CPT1C: variants seen among roughly 807,000 people sequenced by gnomAD.
The protein encoded by CPT1C is palmitoyl thioesterase CPT1C.
CPT1C carries 61 observed loss-of-function variants against 97.3 expected under a neutral mutation model. That is an observed-to-expected ratio of 0.63 (90% CI 0.51 to 0.78). The LOEUF (loss-of-function observed/expected upper bound fraction) is 0.78, where lower values mean the gene tolerates loss of function less well. CPT1C is among the 30% of genes least tolerant of loss of function. CPT1C has a pLI of 0.00. For synonymous variants in CPT1C, 469 were observed against 447.2 expected, an observed-to-expected ratio of 1.05 and a Z score of -0.61; for missense variants, 975 against 1,065.5, an observed-to-expected ratio of 0.92 and a Z score of 1.18.
At chr19:49,698,898 C>T (rs150017063) in intron 4 of CPT1C, among the ~76,000 whole-genome samples, 1,538 of 151,490 alleles carry the variant, frequency 0.01, 21 homozygotes, top group African/African-American at 0.035. Flanking sequence ...AGGTCAGGAG[C>T]TTGAGACCAG....
intron 10 of CPT1C, 152 bp downstream of exon 10, chr19:49,705,450 A>G: frequency 1.5e-6 from 1 of 670,868 alleles, no homozygotes; most frequent in Non-Finnish European, 2.5e-6. Flanking sequence ...CTCAGCTTCC[A>G]CTAAAGTGGG....
rs199536158 is a variant in CPT1C, at chr19:49,708,768, G to A, written c.1495G>A (p.Gly499Ser). 16 of 1,613,908 alleles carry A rather than the reference G, an allele frequency of 9.9e-6. No homozygotes were observed. Among genetic ancestry groups the A allele is most frequent in the Middle Eastern group, 1.6e-4 (1 of 6,062 alleles). Residue 499 changes from glycine (G) to serine (S), a missense_variant, in exon 14 of 20, where the codon GGC (glycine) becomes AGC (serine). This residue lies in a region of CPT1C where 35 missense variants were observed against 66.6 expected (regional missense o/e 0.53). Transcript: ENST00000598293. ...ECFQLGYSTD[G>S]HCKGHPDPTL... Reference sequence around the variant, plus strand: ...CTTTCAGCTGGGCTACTCAACAGACGGCCACTGCAAGGGGCACCCGGACCC... The same window carrying A: ...CTTTCAGCTGGGCTACTCAACAGACAGCCACTGCAAGGGGCACCCGGACCC...
At chr19:49,701,252 C>T in intron 5 of CPT1C, 65 bp from the exon 6 acceptor site, 1 of 1,403,326 alleles carries the variant, frequency 7.1e-7, no homozygotes, top group African/African-American at 1.4e-5. Flanking sequence ...CCACTGTCGA[C>T]CCCTGCCCCG....
Position 49,700,616 on chromosome 19 carries a change from G to A in CPT1C, c.282-68G>A, listed in dbSNP as rs2082956545. 9 of 1,543,646 alleles carry A rather than the reference G, an allele frequency of 5.8e-6. No homozygotes were observed. The South Asian group carries it at 6.8e-5, about 12-fold the overall frequency. On this transcript the variant is annotated intron_variant, in intron 4 of 19. Coordinates refer to ENST00000598293, the MANE Select transcript of CPT1C (RefSeq NM_001199753.2). The stretch of plus-strand genomic sequence containing the variant: ...CAAAAGATCAGCGCAGGGGCTGGAG[G>A]GGGCTGGAAGGGAGGGAGGTTCTGA...
rs2083137889 is a variant in CPT1C at position 49,702,007 on chromosome 19, A to AATATATTTATAAATTATAAATAAAT, written c.693+383_693+384insAAATTATAAATAAATATATATTTAT. Among the ~76,000 whole-genome samples the AATATATTTATAAATTATAAATAAAT allele has an allele frequency of 3.8e-4, 16 of 42,206 alleles. 1 individual carries two copies. Among genetic ancestry groups the AATATATTTATAAATTATAAATAAAT allele is most frequent in the Non-Finnish European group, 5.7e-4 (15 of 26,244 alleles). 27.7% of individuals were successfully genotyped at this position (42,206 alleles called of 152,430 possible). On this transcript the variant is annotated intron_variant, in intron 7 of 19. Coordinates refer to ENST00000598293, the MANE Select transcript of CPT1C (RefSeq NM_001199753.2). ...ATATATAAATATTATAAATATATTA[A>AATATATTTATAAATTATAAATAAAT]ATATATTTATTTATAAATTATAAAT...
chr19:49,700,262 CAA>C (rs58306047), intron 4 of CPT1C, among the ~76,000 whole-genome samples: 2 of 146,270 alleles, frequency 1.4e-5, no homozygotes, highest in African/African-American at 5.0e-5. Flanking sequence ...CAAAACAAAA[CAA>C]AAAAAAAAAC....
At chr19:49,699,457 TAAAAAAAAAAAAAAAAAAA>T (rs71180647) in intron 4 of CPT1C, among the ~76,000 whole-genome samples, 94 of 35,304 alleles carry the variant, frequency 2.7e-3, no homozygotes, top group African/African-American at 7.0e-3. Flanking sequence ...CCCCTGTCTC[TAAAAAAAAAAAAAAAAAAA>T]AAAAAAAAAA....
upstream of CPT1C, chr19:49,690,720 A>C: frequency 6.3e-6 from 3 of 478,938 alleles, no homozygotes; most frequent in Non-Finnish European, 7.2e-6. This position sits in a 1 kb window ranked among gnomAD's most constrained non-coding sequence, Gnocchi z 4.4. Flanking sequence ...TTTCTTGCCA[A>C]CTCAATCCAT....
rs2083575965 is a variant in CPT1C, at chr19:49,707,581, G to A, written c.1407G>A (p.Glu469=). ...FSNGKLGLSV[E]HSWADCPISG... ...ACGGGAAGCTGGGCCTCAGCGTGGA[G>A]CACTCCTGGGCCGACTGCCCCATCT... The change falls in exon 13 of 20, where the codon GAG becomes GAA. Residue 469 remains glutamate, a synonymous_variant. Transcript: ENST00000598293. The A allele has an allele frequency of 3.1e-6, 5 of 1,613,676 alleles. No individual in the cohort carries two copies. Among genetic ancestry groups the A allele is most frequent in the Non-Finnish European group, 4.2e-6 (5 of 1,179,836 alleles).
At chr19:49,708,018 A>G (rs947118706) in intron 13 of CPT1C, among the ~76,000 whole-genome samples, 1 of 150,850 alleles carries the variant, frequency 6.6e-6, no homozygotes, top group African/African-American at 2.4e-5. Context: ...AAAAAAAAAA[A>G]AAAAAAAAAG....
chr19:49,701,290 A>T, intron 5 of CPT1C, 27 bp from the exon 6 acceptor site: 1 of 1,594,444 alleles, frequency 6.3e-7, no homozygotes, highest in Non-Finnish European at 8.6e-7. Context: ...GTGAGGGGTT[A>T]ATGACCCGGT....
rs376715436 is a variant in CPT1C at position 49,710,872 on chromosome 19, C to T, written c.1866+15C>T. The stretch of plus-strand genomic sequence containing the variant: ...AAGAGAAGACGGTGGGTGCAGCCCT[C>T]GCTTGAGGCTTCAGTTATTTCTGTG... On this transcript the variant is annotated intron_variant, in intron 16 of 19. Coordinates refer to ENST00000598293, the MANE Select transcript of CPT1C (RefSeq NM_001199753.2). 7.5e-6 allele frequency: 12 copies of T among 1,596,766 alleles called. No individual in the cohort carries two copies. The African/African-American group carries it at 1.1e-4, about 14-fold the overall frequency.
intron 3 of CPT1C, chr19:49,696,693 C>A (rs540984812): frequency 6.6e-6 from 1 of 151,150 alleles, no homozygotes; most frequent in African/African-American, 2.4e-5. Context: ...AGTGCAGTAG[C>A]GTGATCTTGG....
rs1318684960 is a variant in CPT1C, at chr19:49,697,349, T to A, written c.165T>A (p.Phe55Leu). ...RFWNDFLTGVFPASPLSWLFL... is the reference protein window; with the variant it reads ...RFWNDFLTGVLPASPLSWLFL... ...AGAATGACTTTCTCACCGGTGTGTT[T>A]CCTGCCAGCCCCCTCAGTTGGCTTT... The change falls in exon 4 of 20, where the codon TTT (phenylalanine) becomes TTA (leucine). Residue 55 changes from phenylalanine (F) to leucine (L), a missense_variant. Phe to Leu is a conservative substitution (Grantham distance 22, BLOSUM62 0). Coordinates refer to ENST00000598293, the MANE Select transcript of CPT1C (RefSeq NM_001199753.2). The A allele has an allele frequency of 6.2e-7, 1 of 1,614,130 alleles. No homozygotes were observed. The highest frequency in any genetic ancestry group is 1.7e-5 in the Admixed American group (1 of 60,000).
chr19:49,693,093 G>T (rs1334855912), intron 3 of CPT1C, among the ~76,000 whole-genome samples: 1 of 152,114 alleles, frequency 6.6e-6, no homozygotes, highest in Admixed American at 6.6e-5. Context: ...TCAACATGTT[G>T]GCCAGGCTAA....
intron 4 of CPT1C, 112 bp downstream of exon 4, chr19:49,697,577 A>G (rs1048050627): frequency 1.1e-5 from 14 of 1,251,578 alleles, no homozygotes; most frequent in Non-Finnish European, 1.5e-5. Context: ...TGAGACTTAC[A>G]TTGGGTCAGA....
rs2083028003 is a variant in CPT1C at position 49,701,179 on chromosome 19, CCTTT to C, written c.454-135_454-132del. 5 of 624,734 alleles carry C rather than the reference CCTTT, an allele frequency of 8.0e-6. No homozygotes were observed. In the East Asian group the frequency reaches 1.4e-4, roughly 18 times the overall value. 38.7% of individuals were successfully genotyped at this position (624,734 alleles called of 1,614,324 possible). On this transcript the variant is annotated intron_variant, in intron 5 of 19. Coordinates refer to ENST00000598293, the MANE Select transcript of CPT1C (RefSeq NM_001199753.2). ...TGTCCCCTGTCTCTGGGTCTCTGTT[CCTTT>C]CTCTCTTGGGGTCTCCGATGCTCTT...
At position 49,712,675 on chromosome 19, in the gene CPT1C, G is replaced by A. The variant is rs535715665; in HGVS notation, c.2020-61G>A. The A allele has an allele frequency of 5.0e-5, 63 of 1,263,976 alleles. No individual in the cohort carries two copies. In the East Asian group the frequency reaches 1.3e-3, roughly 27 times the overall value. The allele number at this position is 1,263,976 out of a possible 1,614,324, so 78.3% of individuals were successfully genotyped here. A position where few individuals can be genotyped will look rare whatever the true frequency, so the allele number is the denominator to read the frequency against. On this transcript the variant is annotated intron_variant, in intron 17 of 19. Transcript: ENST00000598293. ...AAGCCAGGGATGCAGGGAGTGAAGT[G>A]GAGCCAAGGGCCGGAACTGCAGATC...
At chr19:49,707,704 A>T in intron 13 of CPT1C, 81 bp downstream of exon 13, 1 of 926,314 alleles carries the variant, frequency 1.1e-6, no homozygotes, top group Non-Finnish European at 1.6e-6. Flanking sequence ...TTAGTGTCAG[A>T]AGAAAAACTG....
Sources: gnomAD v4.1 joint callset for allele counts (sites outside exome capture counted in the v4.1 genomes callset) on GRCh38, gnomAD v4.1.1 for gene constraint, gnomAD v4.1.1 regional missense constraint, Gnocchi (gnomAD v3.1) non-coding constraint, MANE v1.5 for transcripts, NCBI Gene and HGNC (gene_info 2026-07-23, HGNC 2026-07-21) for gene names.